Variants in UNC79 observed in about 807,000 individuals in gnomAD.
UNC79 encodes unc-79 subunit of NALCN channel complex.
UNC79 carries 37 observed loss-of-function variants against 283.1 expected under a neutral mutation model. The ratio of observed to expected loss-of-function variants is 0.13; its 90% CI spans 0.10 to 0.17. UNC79 has a LOEUF of 0.17. Ranked by LOEUF, UNC79 falls within the 10% of genes least tolerant of loss-of-function variation. The pLI, the probability that UNC79 is intolerant of heterozygous loss-of-function variation, is 1.00. For synonymous variants in UNC79, 1,107 were observed against 1,200.2 expected (o/e 0.92, Z 1.61); for missense variants, 2,272 against 3,211.1 (o/e 0.71, Z 7.07).
intron 1 of UNC79, among the ~76,000 whole-genome samples, chr14:93,334,190 C>A (rs1457711857): frequency 6.6e-6 from 1 of 152,220 alleles, no homozygotes; most frequent in African/African-American, 2.4e-5. Context: ...CAGTTGGAGA[C>A]AATATCATTG....
intron 1 of UNC79, among the ~76,000 whole-genome samples, chr14:93,435,692 C>G (rs551580586): frequency 3.3e-5 from 5 of 152,104 alleles, no homozygotes; most frequent in African/African-American, 1.2e-4. Flanking sequence ...TTATCCAAGT[C>G]AAAAAATCAG....
chr14:93,528,382 T>G (rs957930818), intron 8 of UNC79, among the ~76,000 whole-genome samples, 176 bp from the exon 9 acceptor site: 1 of 152,182 alleles, frequency 6.6e-6, no homozygotes, highest in African/African-American at 2.4e-5. Flanking sequence ...ATCCTCAGGG[T>G]GGACTCATCA....
chr14:93,586,866 C>T, exon 22 of UNC79: 3 of 1,613,988 alleles, frequency 1.9e-6, no homozygotes, highest in Non-Finnish European at 2.5e-6. Flanking sequence ...AAAGATCACC[C>T]TCAATTTTTA....
At chr14:93,442,109 C>G (rs1461644007) in intron 1 of UNC79, among the ~76,000 whole-genome samples, 2 of 151,924 alleles carry the variant, frequency 1.3e-5, no homozygotes, top group Non-Finnish European at 1.5e-5. Context: ...ATCTTGTTTT[C>G]TTAGTGGCTT....
At chr14:93,408,447 C>T (rs909082417) in intron 1 of UNC79, among the ~76,000 whole-genome samples, 1 of 152,172 alleles carries the variant, frequency 6.6e-6, no homozygotes, top group African/African-American at 2.4e-5. Context: ...GATTCCAGTA[C>T]TTTGGGAGGC....
At chr14:93,640,702 C>T (rs2068944101) in intron 32 of UNC79, among the ~76,000 whole-genome samples, 1 of 152,222 alleles carries the variant, frequency 6.6e-6, no homozygotes, top group African/African-American at 2.4e-5. Context: ...GTTCTGGGAT[C>T]TTACCACCTT....
At chr14:93,490,221 A>G (rs568873085) in intron 5 of UNC79, among the ~76,000 whole-genome samples, 14 of 152,124 alleles carry the variant, frequency 9.2e-5, no homozygotes, top group Admixed American at 5.2e-4. Context: ...TCATTCTTCC[A>G]TTGTTTTGGA....
chr14:93,563,758 AT>A (rs1278760257), intron 14 of UNC79, among the ~76,000 whole-genome samples: 1 of 152,180 alleles, frequency 6.6e-6, no homozygotes, highest in Non-Finnish European at 1.5e-5. Context: ...AGATATAGTC[AT>A]GGGGGTCAGG....
chr14:93,406,088 A>T (rs1396988661), intron 1 of UNC79, among the ~76,000 whole-genome samples: 1 of 152,220 alleles, frequency 6.6e-6, no homozygotes, highest in African/African-American at 2.4e-5. Flanking sequence ...GATTAGACAA[A>T]GAAGGAGATC....
At chr14:93,344,631 C>G (rs1182365470) in intron 1 of UNC79, among the ~76,000 whole-genome samples, 1 of 152,216 alleles carries the variant, frequency 6.6e-6, no homozygotes, top group Non-Finnish European at 1.5e-5. Context: ...TCTCTTTGGT[C>G]CAATATTTGA....
chr14:93,577,231 A>C (rs541470602), intron 17 of UNC79, among the ~76,000 whole-genome samples: 18 of 152,188 alleles, frequency 1.2e-4, no homozygotes, highest in Non-Finnish European at 2.1e-4. Context: ...TCCAAAAAAA[A>C]CCATTGACTT....
chr14:93,453,078 G>T (rs1025142023), intron 1 of UNC79, among the ~76,000 whole-genome samples: 3 of 152,222 alleles, frequency 2.0e-5, no homozygotes, highest in African/African-American at 7.2e-5. Flanking sequence ...TCATGGAAGA[G>T]AATTGTGCTT....
At chr14:93,438,523 C>T (rs966156189) in intron 1 of UNC79, among the ~76,000 whole-genome samples, 1 of 152,122 alleles carries the variant, frequency 6.6e-6, no homozygotes, top group Non-Finnish European at 1.5e-5. Context: ...AACAATTGCT[C>T]CTGTGGTCAT....
At chr14:93,550,817 A>G (rs563524282) in intron 14 of UNC79, among the ~76,000 whole-genome samples, 3 of 152,146 alleles carry the variant, frequency 2.0e-5, no homozygotes, top group East Asian at 3.9e-4. Context: ...TCTGGAGATA[A>G]GAAGATACCA....
intron 1 of UNC79, among the ~76,000 whole-genome samples, chr14:93,418,146 G>A (rs2055505620): frequency 6.6e-6 from 1 of 151,602 alleles, no homozygotes; most frequent in Non-Finnish European, 1.5e-5. Context: ...CCATCTTTGT[G>A]GTTTTATCTA....
intron 1 of UNC79, among the ~76,000 whole-genome samples, chr14:93,409,653 A>G (rs1466620674): frequency 6.6e-6 from 1 of 152,212 alleles, no homozygotes; most frequent in Non-Finnish European, 1.5e-5. Context: ...GCACCACTGC[A>G]CTACAGCCTG....
chr14:93,427,297 A>C (rs1330603174), upstream of UNC79, among the ~76,000 whole-genome samples: 4 of 152,172 alleles, frequency 2.6e-5, no homozygotes, highest in East Asian at 7.7e-4. Flanking sequence ...GGAGTCTTTA[A>C]TCACTAATTG....
chr14:93,541,163 T>TA (rs1364601460), intron 13 of UNC79, among the ~76,000 whole-genome samples: 1 of 152,210 alleles, frequency 6.6e-6, no homozygotes. Flanking sequence ...CTAGTATATA[T>TA]TGTCAAGTAC....
chr14:93,417,773 C>G (rs1013782691), intron 1 of UNC79, among the ~76,000 whole-genome samples: 1 of 151,992 alleles, frequency 6.6e-6, no homozygotes, highest in African/African-American at 2.4e-5. Context: ...TCATTCATTT[C>G]ATCTTCCATC....
Sources: allele counts gnomAD v4.1 joint callset (sites outside exome capture counted in the v4.1 genomes callset), GRCh38; gene constraint gnomAD v4.1.1; transcripts MANE v1.5; gene names NCBI Gene and HGNC (gene_info 2026-07-23, HGNC 2026-07-21).